The following BCAS3 variants were observed in gnomAD, a reference collection of about 807,000 sequenced individuals.
The protein encoded by BCAS3 is BCAS4/BCAS3 fusion.
Under a neutral mutation model 116.1 loss-of-function variants are expected in BCAS3, and 53 were observed. The ratio of observed to expected loss-of-function variants is 0.46; its 90% CI spans 0.37 to 0.57. The LOEUF (loss-of-function observed/expected upper bound fraction) is 0.57. BCAS3 is among the 20% of genes least tolerant of loss of function. BCAS3 has a pLI of 0.00. For missense variants in BCAS3, 917 were observed against 1,165.4 expected (o/e 0.79, Z 3.10); for synonymous variants, 391 against 408.2 (o/e 0.96, Z 0.51).
At chr17:60,902,786 TA>T in intron 11 of BCAS3, 83 bp downstream of exon 11, 1 of 1,151,972 alleles carries the variant, frequency 8.7e-7, no homozygotes, top group Non-Finnish European at 1.3e-6. Flanking sequence ...TTTTCTATTG[TA>T]ATGATTGTAG....
chr17:60,859,572 A>AT (rs67129602), intron 7 of BCAS3, among the ~76,000 whole-genome samples: 36,750 of 144,274 alleles, frequency 0.25, 7,111 homozygotes, highest in African/African-American at 0.55. Context: ...TATGTACCAC[A>AT]TTTTTTTTTT....
chr17:61,022,992 C>G (rs2065982752), intron 16 of BCAS3, among the ~76,000 whole-genome samples: 1 of 152,202 alleles, frequency 6.6e-6, no homozygotes, highest in Non-Finnish European at 1.5e-5. Context: ...TCATGTGTAT[C>G]TCAAATTAGA....
chr17:61,024,456 A>G (rs2066087635), intron 16 of BCAS3, among the ~76,000 whole-genome samples: 1 of 152,158 alleles, frequency 6.6e-6, no homozygotes, highest in Non-Finnish European at 1.5e-5. Context: ...TTAAACTAAC[A>G]CAAGTGGGTC....
rs1204369053 is a variant in BCAS3, at chr17:61,228,002, G to A, written c.2426-140325G>A. The stretch of plus-strand genomic sequence containing the variant: ...GCCATAGAATCCCTTTCCACCTGGA[G>A]ACTGTCCTTTCCAATTTCCAGCACA... On this transcript the variant is annotated intron_variant, in intron 22 of 23. Transcript: ENST00000407086. This position sits in a 1 kb window ranked among gnomAD's most constrained non-coding sequence, Gnocchi z 5.0. Among the ~76,000 whole-genome samples, 4 of 152,108 alleles carry A rather than the reference G, an allele frequency of 2.6e-5. No homozygotes were observed. Among genetic ancestry groups the A allele is most frequent in the African/African-American group, 9.7e-5 (4 of 41,428 alleles).
At chr17:61,103,886 C>T (rs1233645500) in intron 22 of BCAS3, among the ~76,000 whole-genome samples, 1 of 152,162 alleles carries the variant, frequency 6.6e-6, no homozygotes, top group Admixed American at 6.6e-5. Flanking sequence ...TTGTTCTTGG[C>T]ATAAATTTGG....
At chr17:60,868,402 CTTG>C (rs1246523557) in intron 7 of BCAS3, among the ~76,000 whole-genome samples, 171 bp from the exon 8 acceptor site, 1 of 152,006 alleles carries the variant, frequency 6.6e-6, no homozygotes, top group African/African-American at 2.4e-5. Flanking sequence ...GCATTCCTAA[CTTG>C]TTGACTTAAA....
chr17:61,386,528 G>A (rs534010003), intron 23 of BCAS3, among the ~76,000 whole-genome samples: 22 of 152,202 alleles, frequency 1.4e-4, no homozygotes, highest in Middle Eastern at 3.4e-3. Flanking sequence ...AGCCGTGGAC[G>A]CTGCTCCTTT....
intron 7 of BCAS3, among the ~76,000 whole-genome samples, chr17:60,856,194 A>G (rs1353812635): frequency 6.6e-6 from 1 of 152,156 alleles, no homozygotes; most frequent in Non-Finnish European, 1.5e-5. Context: ...AATGCCTATG[A>G]CTCAATATTT....
Position 61,313,927 on chromosome 17 carries a change from C to T in BCAS3, c.2426-54400C>T, listed in dbSNP as rs1484889745. On this transcript the variant is annotated intron_variant, in intron 22 of 23. Coordinates refer to ENST00000407086, the MANE Select transcript of BCAS3 (RefSeq NM_017679.5). The surrounding 1 kb of genome is among the most constrained non-coding windows in gnomAD (Gnocchi z 4.3). ...CGCCCGGCCCCATACTTAGTGCTGG[C>T]TCCAGAGTCTCGTGGGGGAAGCCGG... 2.0e-5 allele frequency among the ~76,000 whole-genome samples: 3 copies of T among 152,236 alleles called. No individual in the cohort carries two copies. Among genetic ancestry groups the T allele is most frequent in the Non-Finnish European group, 2.9e-5 (2 of 68,032 alleles).
chr17:60,873,522 CTA>C (rs1307641031), intron 8 of BCAS3, among the ~76,000 whole-genome samples: 3 of 151,958 alleles, frequency 2.0e-5, no homozygotes, highest in Non-Finnish European at 4.4e-5. Flanking sequence ...TTAAGCTTGG[CTA>C]TTTATATTAA....
At chr17:61,080,078 T>G (rs2072434321) in intron 21 of BCAS3, among the ~76,000 whole-genome samples, 1 of 151,560 alleles carries the variant, frequency 6.6e-6, no homozygotes, top group Admixed American at 6.6e-5. Flanking sequence ...CTAGTTTTTG[T>G]GTTTTTAGTA....
At chr17:60,739,235 A>G (rs1298884002) in intron 5 of BCAS3, among the ~76,000 whole-genome samples, 4 of 152,224 alleles carry the variant, frequency 2.6e-5, no homozygotes, top group Non-Finnish European at 5.9e-5. Context: ...TACACACACA[A>G]TACCACACAT....
chr17:61,352,094 A>G lies in BCAS3; in HGVS notation c.2426-16233A>G, dbSNP rs1461238668. 6.6e-6 allele frequency among the ~76,000 whole-genome samples: 1 copy of G among 152,220 alleles called. No homozygotes were observed. Among genetic ancestry groups the G allele is most frequent in the Non-Finnish European group, 1.5e-5 (1 of 68,042 alleles). The stretch of plus-strand genomic sequence containing the variant: ...ACTATTCTAGTAGTTTTTCAACCCT[A>G]AAGGCATTTCTAAAACTAAAATGAA... On this transcript the variant is annotated intron_variant, in intron 22 of 23. Coordinates refer to ENST00000407086, the MANE Select transcript of BCAS3 (RefSeq NM_017679.5). The surrounding 1 kb of genome is among the most constrained non-coding windows in gnomAD (Gnocchi z 4.7).
Position 61,285,258 on chromosome 17 carries a change from T to TGTGTGTGTGTGTGTGTGTGTGTG in BCAS3, c.2426-83069_2426-83068insGTGTGTGTGTGTGTGTGTGTGTG, listed in dbSNP as rs766590925. Among the ~76,000 whole-genome samples the TGTGTGTGTGTGTGTGTGTGTGTG allele has an allele frequency of 6.6e-6, 1 of 151,940 alleles. No homozygotes were observed. The highest frequency in any genetic ancestry group is 2.4e-5 in the African/African-American group (1 of 41,270). ...GTGTGTGTGTGTGTGTGTGTGTGTG[T>TGTGTGTGTGTGTGTGTGTGTGTG]TTCTTGCTAAAATGCAGCAAAGGAA... is the stretch of plus-strand genomic sequence containing the variant. On this transcript the variant is annotated intron_variant, in intron 22 of 23. Transcript: ENST00000407086. The surrounding 1 kb of genome is among the most constrained non-coding windows in gnomAD (Gnocchi z 5.4).
intron 15 of BCAS3, among the ~76,000 whole-genome samples, chr17:60,997,716 A>G (rs544536655): frequency 2.6e-5 from 4 of 152,310 alleles, no homozygotes; most frequent in African/African-American, 9.6e-5. Flanking sequence ...TCAGGTACAC[A>G]TTCAACCCCA....
At chr17:60,680,050 C>T (rs891590231) in intron 2 of BCAS3, among the ~76,000 whole-genome samples, 3 of 146,894 alleles carry the variant, frequency 2.0e-5, no homozygotes, top group East Asian at 2.0e-4. Context: ...AGGAGAATGA[C>T]GTGAACCTGG....
At chr17:60,789,766 A>G (rs1568256104) in intron 6 of BCAS3, among the ~76,000 whole-genome samples, 1 of 152,198 alleles carries the variant, frequency 6.6e-6, no homozygotes, top group Non-Finnish European at 1.5e-5. Flanking sequence ...TGATGACTCC[A>G]TTAGGCATCA....
In BCAS3 at chr17:61,229,641, A is replaced by T. The variant is rs1294048754; in HGVS notation, c.2426-138686A>T. 6.6e-6 allele frequency among the ~76,000 whole-genome samples: 1 copy of T among 152,192 alleles called. No homozygotes were observed. Among genetic ancestry groups the T allele is most frequent in the Non-Finnish European group, 1.5e-5 (1 of 68,030 alleles). Reference sequence around the variant, plus strand: ...CCAATTTTCTTTGTCTAAATACAATAGTTTTCCTTCCAGGCAGCCTCAGTC... The same window carrying T: ...CCAATTTTCTTTGTCTAAATACAATTGTTTTCCTTCCAGGCAGCCTCAGTC... On this transcript the variant is annotated intron_variant, in intron 22 of 23. Coordinates refer to ENST00000407086, the MANE Select transcript of BCAS3 (RefSeq NM_017679.5). This position sits in a 1 kb window ranked among gnomAD's most constrained non-coding sequence, Gnocchi z 4.4.
chr17:60,973,431 T>C lies in BCAS3; in HGVS notation c.1222-16540T>C, dbSNP rs181094212. 6.0e-3 allele frequency among the ~76,000 whole-genome samples: 908 copies of C among 152,174 alleles called. 2 individuals carry two copies. The highest frequency in any genetic ancestry group is 7.2e-3 in the Non-Finnish European group (487 of 68,002). On this transcript the variant is annotated intron_variant, in intron 14 of 23. Transcript: ENST00000407086. ...AAGGAGTGAATGTTGGAGATGGATG[T>C]TGGATTTGCCTCTCAGTAGTTAAAT...
Sources: allele counts gnomAD v4.1 joint callset (sites outside exome capture counted in the v4.1 genomes callset), GRCh38; gene constraint gnomAD v4.1.1; non-coding constraint Gnocchi (gnomAD v3.1); transcripts MANE v1.5; gene names NCBI Gene and HGNC (gene_info 2026-07-23, HGNC 2026-07-21).